The following KMT5B variants were observed in gnomAD, a reference collection of about 807,000 sequenced individuals.
KMT5B encodes histone-lysine N-methyltransferase KMT5B.
In KMT5B, 10 loss-of-function variants were observed where a neutral mutation model predicts 83.2. The observed-to-expected ratio is 0.12, with a 90% CI of 0.07 to 0.20. The LOEUF (loss-of-function observed/expected upper bound fraction) is 0.20. Ranked by LOEUF, KMT5B falls within the 10% of genes least tolerant of loss-of-function variation. The pLI is 1.00. For missense variants in KMT5B, 753 were observed against 1,067.2 expected, an observed-to-expected ratio of 0.71 and a Z score of 4.10; for synonymous variants, 349 against 388.8, an observed-to-expected ratio of 0.90 and a Z score of 1.20.
Position 68,158,651 on chromosome 11 carries a change from T to C in KMT5B, c.1695A>G (p.Lys565=). ...KLEPNTLNGY[K]SSVTEPCPDS... is the part of the protein sequence containing the mutation. Reference sequence around the variant, plus strand: ...CGGGGCAAGGTTCCGTCACACTGCTTTTATAGCCATTCAACGTATTTGGTT... The same window carrying C: ...CGGGGCAAGGTTCCGTCACACTGCTCTTATAGCCATTCAACGTATTTGGTT... Residue 565 remains lysine (K), a synonymous_variant, in exon 11 of 11, where the codon AAA becomes AAG. Coordinates refer to ENST00000304363, the MANE Select transcript of KMT5B (RefSeq NM_017635.5). 6.2e-7 allele frequency: 1 copy of C among 1,614,122 alleles called. No homozygotes were observed.
chr11:68,188,872 A>G (rs750815746), intron 2 of KMT5B, among the ~76,000 whole-genome samples: 4 of 152,160 alleles, frequency 2.6e-5, no homozygotes, highest in African/African-American at 4.8e-5. Context: ...ATGAGGGTAC[A>G]TGCTGCCAGC....
chr11:68,212,061 T>C (rs912897868), intron 1 of KMT5B, among the ~76,000 whole-genome samples: 1 of 152,162 alleles, frequency 6.6e-6, no homozygotes, highest in East Asian at 1.9e-4. Flanking sequence ...AAAAATGGTT[T>C]CCTCCTCTTT....
intron 1 of KMT5B, among the ~76,000 whole-genome samples, chr11:68,196,588 G>A (rs748522863): frequency 2.0e-5 from 3 of 151,322 alleles, no homozygotes; most frequent in Non-Finnish European, 4.4e-5. Flanking sequence ...GATACTTCCT[G>A]ACCTCTTCAA....
At chr11:68,164,775 A>G (rs1455936082) in intron 10 of KMT5B, 1 of 461,280 alleles carries the variant, frequency 2.2e-6, no homozygotes, top group African/African-American at 2.0e-5. Flanking sequence ...TTCAGCTTAA[A>G]GCGATTATTC....
chr11:68,160,902 G>A (rs1352225257), intron 10 of KMT5B, among the ~76,000 whole-genome samples: 7 of 152,100 alleles, frequency 4.6e-5, no homozygotes, highest in Non-Finnish European at 7.4e-5. Context: ...AGCCAAAATC[G>A]CACGATTGTA....
Position 68,157,728 on chromosome 11 carries a change from G to A in KMT5B, c.2618C>T (p.Ser873Leu). 6.2e-7 allele frequency: 1 copy of A among 1,603,638 alleles called. No individual in the cohort carries two copies. Among genetic ancestry groups the A allele is most frequent in the Non-Finnish European group, 8.5e-7 (1 of 1,174,878 alleles). The part of the protein sequence containing the change: ...GKDSIDIDIS[S>L]RRREDQSLRL... Reference sequence around the variant, plus strand: ...TAAAGACTGATCTTCTCTTCTCCTTGAAGAAATGTCAATATCTATAGAGTC... The same window carrying A: ...TAAAGACTGATCTTCTCTTCTCCTTAAAGAAATGTCAATATCTATAGAGTC... Residue 873 changes from serine (S) to leucine (L), a missense_variant, in exon 11 of 11, where the codon TCA becomes TTA. Ser to Leu is a moderately radical substitution (Grantham distance 145). This residue lies in a region of KMT5B where 161 missense variants were observed against 195.1 expected (regional missense o/e 0.83). Transcript: ENST00000304363.
At chr11:68,189,735 T>A in intron 2 of KMT5B, 182 bp downstream of exon 2, 1 of 472,386 alleles carries the variant, frequency 2.1e-6, no homozygotes, top group Non-Finnish European at 3.6e-6. Flanking sequence ...TAAACTTGAG[T>A]TTTATATAGT....
rs1409680782 is a variant in KMT5B at position 68,156,705 on chromosome 11, A to C, written c.*983T>G. The C allele has an allele frequency of 2.0e-5, 3 of 152,638 alleles. No homozygotes were observed. Among genetic ancestry groups the C allele is most frequent in the Non-Finnish European group, 4.4e-5 (3 of 68,032 alleles). 9.5% of individuals were successfully genotyped at this position (152,638 alleles called of 1,614,324 possible). On this transcript the variant is annotated 3_prime_UTR_variant, in exon 11 of 11. Transcript: ENST00000304363. ...TTCTTTACATTGAATCTCAAAGACA[A>C]ACTTTTTTTATAGGTTACCACAGAA...
At chr11:68,179,339 C>T in intron 4 of KMT5B, 1 of 890,128 alleles carries the variant, frequency 1.1e-6, no homozygotes, top group Non-Finnish European at 1.5e-6. Context: ...TTAAATCAAC[C>T]AAACATATCT....
chr11:68,191,831 T>C (rs1159720545), intron 1 of KMT5B, among the ~76,000 whole-genome samples: 1 of 152,224 alleles, frequency 6.6e-6, no homozygotes, highest in Non-Finnish European at 1.5e-5. Flanking sequence ...ATAGTATACA[T>C]GTACTAGGTC....
intron 1 of KMT5B, among the ~76,000 whole-genome samples, chr11:68,204,122 G>A (rs1859777515): frequency 1.3e-5 from 2 of 152,034 alleles, no homozygotes; most frequent in South Asian, 4.2e-4. Context: ...CACCAAGGTA[G>A]AATGCTTCAC....
rs1359583880 is a variant in KMT5B, at chr11:68,158,118, A to G, written c.2228T>C (p.Ile743Thr). The G allele has an allele frequency of 1.2e-6, 2 of 1,614,010 alleles. No homozygotes were observed. Among genetic ancestry groups the G allele is most frequent in the Non-Finnish European group, 1.7e-6 (2 of 1,180,036 alleles). Residue 743 changes from isoleucine (I) to threonine (T), a missense_variant, in exon 11 of 11, where the codon ATA becomes ACA. Ile to Thr is a moderately conservative substitution (Grantham distance 89). This residue lies in a region of KMT5B where 161 missense variants were observed against 195.1 expected (regional missense o/e 0.83). Transcript: ENST00000304363. ...QENDGMNSSKISIKLSKDHDN... is the reference protein window; with the variant it reads ...QENDGMNSSKTSIKLSKDHDN... ...ATGGTCTTTGCTTAACTTGATGCTT[A>G]TTTTGGAAGAGTTCATTCCATCATT...
chr11:68,181,555 T>C (rs1043181490), intron 3 of KMT5B, among the ~76,000 whole-genome samples: 1 of 152,200 alleles, frequency 6.6e-6, no homozygotes, highest in Non-Finnish European at 1.5e-5. Flanking sequence ...CCAAGAGCAG[T>C]ACATCTTCTG....
intron 3 of KMT5B, among the ~76,000 whole-genome samples, chr11:68,185,169 T>A (rs945402363): frequency 6.6e-6 from 1 of 152,106 alleles, no homozygotes; most frequent in East Asian, 1.9e-4. Flanking sequence ...TGTTACAGGA[T>A]GCTTGTCAGA....
In KMT5B at chr11:68,171,108, C is replaced by T; in HGVS notation, c.884G>A (p.Arg295Lys). The change falls in exon 9 of 11, where the codon AGA becomes AAA. Residue 295 changes from arginine (R) to lysine (K), a missense_variant. By Grantham distance (26) the Arg-to-Lys change is conservative. Around this residue, in one of 9 missense-constraint regions of KMT5B, gnomAD observed 34 missense variants for 172.5 expected, o/e 0.20. Coordinates refer to ENST00000304363, the MANE Select transcript of KMT5B (RefSeq NM_017635.5). The surrounding 1 kb of genome is among the most constrained non-coding windows in gnomAD (Gnocchi z 5.1). ...GRDTACVKAL[R>K]DIEPGEEISC... ...AATTTCTTCTCCAGGTTCAATGTCT[C>T]TTAGAGCCTTCACACATGCTGTATC... 6.2e-7 allele frequency: 1 copy of T among 1,610,610 alleles called. No individual in the cohort carries two copies. The highest frequency in any genetic ancestry group is 8.5e-7 in the Non-Finnish European group (1 of 1,179,258).
rs1427966403 is a variant in KMT5B, at chr11:68,213,240, C to G, written c.-179G>C. 6.8e-6 allele frequency: 1 copy of G among 146,592 alleles called. No homozygotes were observed. The highest frequency in any genetic ancestry group is 1.5e-5 in the Non-Finnish European group (1 of 65,960). The allele number at this position is 146,592 out of a possible 1,614,324, so 9.1% of individuals were successfully genotyped here. A position where few individuals can be genotyped will look rare whatever the true frequency, so the allele number is the denominator to read the frequency against. On this transcript the variant is annotated 5_prime_UTR_variant, in exon 1 of 11. Transcript: ENST00000304363. ...CCGGGCCCCGCGTCCCAGTCCCCCC[C>G]AGAAAATTAATCACCAAAAATAATT...
At chr11:68,194,855 G>A (rs1380479672) in intron 1 of KMT5B, among the ~76,000 whole-genome samples, 2 of 152,138 alleles carry the variant, frequency 1.3e-5, no homozygotes, top group African/African-American at 2.4e-5. Context: ...TAGGTTTTTT[G>A]TTGTATCCTA....
At chr11:68,213,409 C>CGCGCCCCCGGCCTCGGCTCGCT (rs1451177341), upstream of KMT5B, 2 of 146,374 alleles carry the variant, frequency 1.4e-5, no homozygotes, top group Admixed American at 6.8e-5. Context: ...TCGCGCCCCC[C>CGCGCCCCCGGCCTCGGCTCGCT]GCGCCCCCGG....
intron 1 of KMT5B, among the ~76,000 whole-genome samples, chr11:68,197,047 T>C (rs1858809983): frequency 1.3e-5 from 2 of 151,492 alleles, no homozygotes; most frequent in Non-Finnish European, 2.9e-5. Flanking sequence ...CTCGGCTCAC[T>C]ACAACCTCTG....
Sources: gnomAD v4.1 joint callset for allele counts (sites outside exome capture counted in the v4.1 genomes callset) on GRCh38, gnomAD v4.1.1 for gene constraint, gnomAD v4.1.1 regional missense constraint, Gnocchi (gnomAD v3.1) non-coding constraint, MANE v1.5 for transcripts, NCBI Gene and HGNC (gene_info 2026-07-23, HGNC 2026-07-21) for gene names.